GALNT1: variants seen among roughly 807,000 people sequenced by gnomAD.
The protein encoded by GALNT1 is GalNAc transferase 1.
GALNT1 carries 17 observed loss-of-function variants against 65.7 expected under a neutral mutation model. The ratio of observed to expected loss-of-function variants is 0.26; its 90% CI spans 0.18 to 0.39. The LOEUF (loss-of-function observed/expected upper bound fraction) is 0.39. Ranked by LOEUF, GALNT1 falls within the 10% of genes least tolerant of loss-of-function variation. The pLI is 1.00. For synonymous variants in GALNT1, 210 were observed against 219.7 expected (o/e 0.96, Z 0.39); for missense variants, 460 against 672.8 (o/e 0.68, Z 3.50).
intron 1 of GALNT1, among the ~76,000 whole-genome samples, chr18:35,591,088 G>A (rs2046438111): frequency 6.6e-6 from 1 of 152,162 alleles, no homozygotes. Context: ...GAAAGTAGAG[G>A]GAAGAAAAGG....
chr18:35,600,841 G>C (rs911190678), intron 1 of GALNT1, among the ~76,000 whole-genome samples: 2 of 152,074 alleles, frequency 1.3e-5, no homozygotes, highest in East Asian at 1.9e-4. Context: ...TGGTTTGCTA[G>C]CATTTTCTTG....
intron 1 of GALNT1, among the ~76,000 whole-genome samples, chr18:35,595,725 A>C (rs1352186596): frequency 1.3e-5 from 2 of 152,222 alleles, no homozygotes; most frequent in African/African-American, 4.8e-5. Context: ...AAGAGAAAAA[A>C]TAACATGTTT....
intron 1 of GALNT1, among the ~76,000 whole-genome samples, chr18:35,605,769 AG>A (rs2046639582): frequency 6.6e-6 from 1 of 152,128 alleles, no homozygotes; most frequent in Non-Finnish European, 1.5e-5. Flanking sequence ...AGTAGCTTTA[AG>A]GTGCTTGCAT....
chr18:35,621,168 GTTGT>G (rs935462200), intron 1 of GALNT1, among the ~76,000 whole-genome samples: 18 of 150,368 alleles, frequency 1.2e-4, no homozygotes, highest in Admixed American at 7.3e-4. Context: ...GTGTGTTTTT[GTTGT>G]TTGTTTTATT....
chr18:35,684,688 A>T (rs1274954636), intron 5 of GALNT1, among the ~76,000 whole-genome samples: 1 of 152,202 alleles, frequency 6.6e-6, no homozygotes, highest in South Asian at 2.1e-4. Flanking sequence ...AGACAAAACA[A>T]ATTTTAAATG....
chr18:35,606,984 G>C (rs1031285555), intron 1 of GALNT1, among the ~76,000 whole-genome samples: 1 of 151,942 alleles, frequency 6.6e-6, no homozygotes, highest in Admixed American at 6.6e-5. Flanking sequence ...CACAGTTCCT[G>C]CTCAAAGGTG....
intron 1 of GALNT1, among the ~76,000 whole-genome samples, chr18:35,621,493 G>C (rs1193315557): frequency 8.0e-6 from 1 of 125,290 alleles, no homozygotes; most frequent in African/African-American, 3.5e-5. Flanking sequence ...CAATTGGTCT[G>C]TTGTTTGTTT....
intron 1 of GALNT1, 27 bp from the exon 2 acceptor site, chr18:35,654,533 A>G (rs2047353179): frequency 2.9e-6 from 1 of 345,270 alleles, no homozygotes; most frequent in Non-Finnish European, 4.7e-6. Flanking sequence ...TTTTTAAGTT[A>G]ATCTTTTTTC....
intron 1 of GALNT1, among the ~76,000 whole-genome samples, chr18:35,633,258 G>C (rs2047042181): frequency 6.6e-6 from 1 of 151,992 alleles, no homozygotes; most frequent in African/African-American, 2.4e-5. Context: ...TGTTTATTGT[G>C]GCACTATTCA....
At chr18:35,629,214 G>A (rs1025866268) in intron 1 of GALNT1, among the ~76,000 whole-genome samples, 4 of 152,088 alleles carry the variant, frequency 2.6e-5, no homozygotes, top group African/African-American at 9.7e-5. Flanking sequence ...GAAATACAGA[G>A]AACGCCACAA....
chr18:35,620,872 T>G (rs2046842912), intron 1 of GALNT1, among the ~76,000 whole-genome samples: 1 of 151,994 alleles, frequency 6.6e-6, no homozygotes, highest in Non-Finnish European at 1.5e-5. Flanking sequence ...TACCTAGAAG[T>G]GAAATTAGTG....
At chr18:35,647,279 A>G (rs1417934219) in intron 1 of GALNT1, among the ~76,000 whole-genome samples, 2 of 152,186 alleles carry the variant, frequency 1.3e-5, no homozygotes, top group African/African-American at 2.4e-5. Context: ...AGTTATCACA[A>G]TTGGAATTTC....
chr18:35,617,104 T>TC, intron 1 of GALNT1, among the ~76,000 whole-genome samples: 1 of 152,022 alleles, frequency 6.6e-6, no homozygotes, highest in South Asian at 2.1e-4. Flanking sequence ...TTCAGACAGC[T>TC]CCCCCCTCCA....
chr18:35,700,614 AG>A (rs2048145093), intron 9 of GALNT1, among the ~76,000 whole-genome samples: 1 of 152,210 alleles, frequency 6.6e-6, no homozygotes, highest in Admixed American at 6.5e-5. Context: ...AATTAGTTAT[AG>A]GAATCTTGTA....
chr18:35,698,399 G>A (rs989208572), intron 9 of GALNT1, among the ~76,000 whole-genome samples: 1 of 152,250 alleles, frequency 6.6e-6, no homozygotes. Context: ...AACCTTGGGG[G>A]TAGAGGTTGC....
rs770601065 is a variant in GALNT1 at position 35,686,095 on chromosome 18, C to G, written c.690-921C>G. Among the ~76,000 whole-genome samples, 49 of 152,192 alleles carry G rather than the reference C, an allele frequency of 3.2e-4. 1 individual carries two copies. The highest frequency in any genetic ancestry group is 5.7e-4 in the Non-Finnish European group (39 of 68,008). On this transcript the variant is annotated intron_variant, in intron 5 of 11. Transcript: ENST00000269195. ...AAACAAAAGAATGAAAAGTTTATTT[C>G]ACACCAACAAGGAATACTTAGAAAA...
intron 6 of GALNT1, among the ~76,000 whole-genome samples, chr18:35,688,453 A>G (rs1286039822): frequency 1.3e-5 from 2 of 152,144 alleles, no homozygotes; most frequent in Non-Finnish European, 1.5e-5. Flanking sequence ...AAATGGGCTG[A>G]TATTCATTTA....
intron 3 of GALNT1, among the ~76,000 whole-genome samples, chr18:35,674,940 G>A (rs577474468): frequency 3.1e-4 from 38 of 122,844 alleles, no homozygotes; most frequent in Non-Finnish European, 5.7e-4. Context: ...CTGAGATCAC[G>A]CCACTGCACT....
chr18:35,676,105 A>C (rs1395011641), intron 3 of GALNT1, among the ~76,000 whole-genome samples: 1 of 152,096 alleles, frequency 6.6e-6, no homozygotes, highest in Admixed American at 6.5e-5. Flanking sequence ...TCTTTAGCCT[A>C]GACTTAGGAG....
Sources: allele counts gnomAD v4.1 joint callset (sites outside exome capture counted in the v4.1 genomes callset), GRCh38; gene constraint gnomAD v4.1.1; transcripts MANE v1.5; gene names NCBI Gene and HGNC (gene_info 2026-07-23, HGNC 2026-07-21).